SLC17A5: variants seen among roughly 807,000 people sequenced by gnomAD.
SLC17A5 encodes sialin.
SLC17A5 carries 47 observed loss-of-function variants against 59.4 expected under a neutral mutation model. The observed-to-expected ratio is 0.79, with a 90% confidence interval of 0.63 to 1.01. SLC17A5 has a LOEUF of 1.01. Among genes scored for constraint, SLC17A5 ranks in the 50% least tolerant of loss-of-function variants. The pLI is 0.00. For missense variants in SLC17A5, 522 were observed against 595.5 expected, an observed-to-expected ratio of 0.88 and a Z score of 1.28; for synonymous variants, 202 against 210.7, an observed-to-expected ratio of 0.96 and a Z score of 0.36.
intron 9 of SLC17A5, among the ~76,000 whole-genome samples, chr6:73,603,089 A>G (rs560114869): frequency 1.3e-5 from 2 of 152,246 alleles, no homozygotes; most frequent in South Asian, 4.1e-4. Context: ...CTAGTATGTT[A>G]TTATAGACGT....
rs1309077809 is a variant in SLC17A5, at chr6:73,644,621, GA to G, written c.95-19del. The G allele has an allele frequency of 1.2e-6, 2 of 1,605,218 alleles. No individual in the cohort carries two copies. The highest frequency in any genetic ancestry group is 1.7e-6 in the Non-Finnish European group (2 of 1,174,272). On this transcript the variant is annotated intron_variant, in intron 1 of 10. Transcript: ENST00000355773. ...CACTGGAGCTGAAATAAAGATTGGGGAAAATTTTTATTTATTTTTAAATTTT... is the reference window on the plus strand; with the variant it reads ...CACTGGAGCTGAAATAAAGATTGGGGAAATTTTTATTTATTTTTAAATTTT...
chr6:73,593,385 C>T lies in SLC17A5; in HGVS notation c.*1692G>A, dbSNP rs540786941. The T allele has an allele frequency of 6.6e-5, 10 of 152,328 alleles. No individual in the cohort carries two copies. The East Asian group carries it at 1.9e-3, about 29-fold the overall frequency. The allele number at this position is 152,328 out of a possible 1,614,324, so 9.4% of individuals were successfully genotyped here. ...GAACTGTCAGATCCAAAAATCAATT[C>T]ACAAAGGTTTATTTTGATGATTTAT... On this transcript the variant is annotated 3_prime_UTR_variant, in exon 11 of 11. Transcript: ENST00000355773.
chr6:73,650,507 C>CAAAAAA (rs999445559), intron 1 of SLC17A5, among the ~76,000 whole-genome samples: 339 of 32,068 alleles, frequency 0.011, no homozygotes, highest in Non-Finnish European at 0.016. Context: ...GACTCCGTCT[C>CAAAAAA]AAAAAAAAAA....
intron 2 of SLC17A5, among the ~76,000 whole-genome samples, chr6:73,643,820 C>G (rs763679914): frequency 6.6e-6 from 1 of 152,302 alleles, no homozygotes; most frequent in African/African-American, 2.4e-5. Flanking sequence ...TCTTTCTGTA[C>G]TATCTCCTCG....
chr6:73,596,617 G>C (rs1766811446), intron 10 of SLC17A5, among the ~76,000 whole-genome samples: 1 of 152,210 alleles, frequency 6.6e-6, no homozygotes, highest in Non-Finnish European at 1.5e-5. Flanking sequence ...AGCACTTTGG[G>C]AGGCCGAGGC....
chr6:73,626,959 T>TG (rs746730745), intron 6 of SLC17A5, among the ~76,000 whole-genome samples: 2 of 151,840 alleles, frequency 1.3e-5, no homozygotes, highest in Non-Finnish European at 2.9e-5. Context: ...TTGGTAGAGA[T>TG]GGGGGTTTCA....
At position 73,594,628 on chromosome 6, in the gene SLC17A5, C is replaced by T; in HGVS notation, c.*449G>A. 4.7e-6 allele frequency: 1 copy of T among 211,290 alleles called. No individual in the cohort carries two copies. Among genetic ancestry groups the T allele is most frequent in the Non-Finnish European group, 9.6e-6 (1 of 104,442 alleles). The allele number at this position is 211,290 out of a possible 1,614,324, so 13.1% of individuals were successfully genotyped here. On this transcript the variant is annotated 3_prime_UTR_variant, in exon 11 of 11. Transcript: ENST00000355773. ...CCAGGCGAAATTATACAGTGGATGG[C>T]AGCTCCACAGAGATGCTAAAGTTTG...
Position 73,623,419 on chromosome 6 carries a change from T to A in SLC17A5, c.820-1457A>T, listed in dbSNP as rs982863417. On this transcript the variant is annotated intron_variant, in intron 6 of 10. Coordinates refer to ENST00000355773, the MANE Select transcript of SLC17A5 (RefSeq NM_012434.5). ...GGTGCAATCTCAGCTCACTGCAACC[T>A]CTGCCTCCCGGGTTCAAGCAATCTC... 2.0e-5 allele frequency among the ~76,000 whole-genome samples: 3 copies of A among 151,990 alleles called. No individual in the cohort carries two copies. The East Asian group carries it at 5.8e-4, about 29-fold the overall frequency.
intron 6 of SLC17A5, among the ~76,000 whole-genome samples, chr6:73,627,915 C>A (rs1014112365): frequency 6.7e-6 from 1 of 148,260 alleles, no homozygotes; most frequent in African/African-American, 2.5e-5. Flanking sequence ...AGCCACTGTG[C>A]CTGCCACTTT....
At chr6:73,632,733 C>A (rs1254172782) in intron 6 of SLC17A5, among the ~76,000 whole-genome samples, 7 of 151,564 alleles carry the variant, frequency 4.6e-5, no homozygotes, top group African/African-American at 1.7e-4. Context: ...CGAGCCACCA[C>A]CCCTGGCCAA....
chr6:73,648,018 G>A (rs988069635), intron 1 of SLC17A5, among the ~76,000 whole-genome samples: 4 of 152,084 alleles, frequency 2.6e-5, no homozygotes, highest in Admixed American at 6.6e-5. Flanking sequence ...GCAGTGAGCC[G>A]AGATCACGCC....
intron 1 of SLC17A5, chr6:73,645,561 C>A (rs1412721596): frequency 1.2e-6 from 1 of 842,508 alleles, no homozygotes; most frequent in Non-Finnish European, 1.4e-6. Context: ...CCGAGGCGGG[C>A]GGATCACCTG....
intron 1 of SLC17A5, chr6:73,653,521 C>G: frequency 1.0e-6 from 1 of 963,236 alleles, no homozygotes; most frequent in Non-Finnish European, 1.2e-6. Flanking sequence ...CCCCCGCCCC[C>G]GCCCCCGCCC....
intron 7 of SLC17A5, among the ~76,000 whole-genome samples, chr6:73,617,228 T>C (rs1045588748): frequency 6.6e-6 from 1 of 151,164 alleles, no homozygotes; most frequent in Admixed American, 6.6e-5. Context: ...GAGGTGGAGG[T>C]TGCAGTGAAC....
intron 3 of SLC17A5, 144 bp downstream of exon 3, chr6:73,641,547 A>G (rs1769284836): frequency 3.1e-6 from 2 of 649,880 alleles, no homozygotes; most frequent in Non-Finnish European, 5.3e-6. Context: ...GTAATTTTCT[A>G]GTTAGTCCTT....
chr6:73,619,652 A>G (rs1561991811), intron 7 of SLC17A5, among the ~76,000 whole-genome samples: 1 of 151,952 alleles, frequency 6.6e-6, no homozygotes, highest in African/African-American at 2.4e-5. Context: ...CTCTATTCAC[A>G]TTTCTTTTTA....
Position 73,643,904 on chromosome 6 carries a change from C to T in SLC17A5, c.291+503G>A, listed in dbSNP as rs192170146. Reference sequence around the variant, plus strand: ...ATGATGAATACACATTTATTAATACCACTATAACATAAGGCAGGCAAAATG... The same window carrying T: ...ATGATGAATACACATTTATTAATACTACTATAACATAAGGCAGGCAAAATG... On this transcript the variant is annotated intron_variant, in intron 2 of 10. Coordinates refer to ENST00000355773, the MANE Select transcript of SLC17A5 (RefSeq NM_012434.5). Among the ~76,000 whole-genome samples the T allele has an allele frequency of 2.8e-3, 421 of 152,094 alleles. 1 individual carries two copies. The highest frequency in any genetic ancestry group is 4.8e-3 in the Non-Finnish European group (328 of 67,982).
intron 10 of SLC17A5, among the ~76,000 whole-genome samples, chr6:73,599,286 A>G (rs1396528431): frequency 6.6e-6 from 1 of 152,034 alleles, no homozygotes; most frequent in Non-Finnish European, 1.5e-5. Flanking sequence ...ATCATAGCTC[A>G]CTGCAGCCTC....
chr6:73,600,858 C>T (rs965897596), intron 9 of SLC17A5, among the ~76,000 whole-genome samples: 1 of 152,168 alleles, frequency 6.6e-6, no homozygotes, highest in Non-Finnish European at 1.5e-5. Context: ...AATTTTATGT[C>T]TAAATAAAAT....
Sources: allele counts gnomAD v4.1 joint callset (sites outside exome capture counted in the v4.1 genomes callset), GRCh38; gene constraint gnomAD v4.1.1; transcripts MANE v1.5; gene names NCBI Gene and HGNC (gene_info 2026-07-23, HGNC 2026-07-21).